Variants in ABHD12 observed in about 807,000 individuals in gnomAD.
ABHD12 encodes lysophosphatidylserine lipase ABHD12.
ABHD12 carries 43 observed loss-of-function variants against 58.3 expected under a neutral mutation model. The observed-to-expected ratio is 0.74, with a 90% CI of 0.58 to 0.95. ABHD12 has a LOEUF of 0.95. ABHD12 is among the 40% of genes least tolerant of loss of function. The pLI, the probability that ABHD12 is intolerant of heterozygous loss-of-function variation, is 0.00. For synonymous variants in ABHD12, 219 were observed against 211.2 expected, an observed-to-expected ratio of 1.04 and a Z score of -0.32; for missense variants, 539 against 537.2, an observed-to-expected ratio of 1.00 and a Z score of -0.03.
chr20:25,370,744 G>A (rs1231278840), intron 1 of ABHD12, among the ~76,000 whole-genome samples: 1 of 152,126 alleles, frequency 6.6e-6, no homozygotes, highest in African/African-American at 2.4e-5. Context: ...AGGCAGCTGT[G>A]AGCATTCCAT....
At chr20:25,313,979 C>CTT (rs570904708) in intron 6 of ABHD12, among the ~76,000 whole-genome samples, 2,220 of 147,702 alleles carry the variant, frequency 0.015, 50 homozygotes, top group African/African-American at 0.051. Context: ...CTTAACAGTT[C>CTT]TTTTTTTTTT....
intron 1 of ABHD12, among the ~76,000 whole-genome samples, chr20:25,388,563 G>A (rs1375116750): frequency 6.6e-6 from 1 of 152,184 alleles, no homozygotes. Context: ...AGCCAGCTGG[G>A]AAGGAAGACA....
At chr20:25,299,751 GGT>G (rs2088603644), downstream of ABHD12, among the ~76,000 whole-genome samples, 1 of 152,168 alleles carries the variant, frequency 6.6e-6, no homozygotes, top group Non-Finnish European at 1.5e-5. Context: ...TGGGGCAGGT[GGT>G]GTCTCTGGGG....
intron 2 of ABHD12, among the ~76,000 whole-genome samples, chr20:25,331,156 A>G (rs988653836): frequency 6.6e-6 from 1 of 152,258 alleles, no homozygotes. Context: ...CTCGAGAACT[A>G]CGTGAAGAAT....
downstream of ABHD12, chr20:25,297,091 CTCTGCACCTGGT>C (rs1281734630): frequency 6.3e-6 from 1 of 158,166 alleles, no homozygotes; most frequent in Non-Finnish European, 1.4e-5. Flanking sequence ...TCTGTCCTGG[CTCTGCACCTGGT>C]ATATGGGTCA....
intron 1 of ABHD12, among the ~76,000 whole-genome samples, chr20:25,383,715 G>A (rs905793753): frequency 2.6e-5 from 4 of 152,106 alleles, no homozygotes; most frequent in African/African-American, 9.7e-5. Context: ...CAGTACTTTG[G>A]GAGGCCAAGG....
In ABHD12 at chr20:25,390,514, T is replaced by A. The variant is rs1387607311; in HGVS notation, c.190A>T (p.Arg64Trp). ...ADAGMKRALG[R>W]RKGVWLRLRK... ...CCCCCGCTCCGCGCGAAGCCTCACCTGCCCAGCGCCCGCTTCATTCCCGCG... is the reference window on the plus strand; with the variant it reads ...CCCCCGCTCCGCGCGAAGCCTCACCAGCCCAGCGCCCGCTTCATTCCCGCG... Residue 64 changes from arginine to tryptophan, a missense_variant and splice_region_variant, in exon 1 of 13, where the codon AGG becomes TGG. Transcript: ENST00000339157. The A allele has an allele frequency of 9.0e-7, 1 of 1,115,762 alleles. No individual in the cohort carries two copies. The highest frequency in any genetic ancestry group is 1.2e-6 in the Non-Finnish European group (1 of 868,172). 69.1% of individuals were successfully genotyped at this position (1,115,762 alleles called of 1,614,324 possible).
chr20:25,364,441 G>A (rs1052617439), intron 1 of ABHD12, among the ~76,000 whole-genome samples: 17 of 152,206 alleles, frequency 1.1e-4, no homozygotes, highest in African/African-American at 3.9e-4. Context: ...GTGGTGGGCA[G>A]AGATCGCAGA....
At chr20:25,361,906 G>T (rs899403583) in intron 1 of ABHD12, among the ~76,000 whole-genome samples, 5 of 151,690 alleles carry the variant, frequency 3.3e-5, no homozygotes, top group African/African-American at 9.7e-5. Flanking sequence ...AGTGAGCCAA[G>T]ATCCCGCCAC....
chr20:25,381,756 A>G (rs1036350886), intron 1 of ABHD12, among the ~76,000 whole-genome samples: 5 of 151,892 alleles, frequency 3.3e-5, no homozygotes, highest in African/African-American at 1.2e-4. Context: ...CTCCTGCCTC[A>G]GCCTCCCAGG....
chr20:25,386,035 A>G, intron 1 of ABHD12, among the ~76,000 whole-genome samples: 1 of 151,866 alleles, frequency 6.6e-6, no homozygotes, highest in South Asian at 2.1e-4. Context: ...CGGGAGGCAA[A>G]GCTTGCAGTG....
At chr20:25,316,964 A>C (rs1232214113) in intron 5 of ABHD12, 84 bp downstream of exon 5, 1 of 1,252,874 alleles carries the variant, frequency 8.0e-7, no homozygotes, top group Admixed American at 1.7e-5. Flanking sequence ...GTTAACTCTC[A>C]AGCTGTGAGT....
At chr20:25,329,429 CTGTCCACCCCCCAGTTTTCAT>C (rs368443673) in intron 2 of ABHD12, among the ~76,000 whole-genome samples, 1,587 of 152,304 alleles carry the variant, frequency 0.01, 28 homozygotes, top group African/African-American at 0.036. Flanking sequence ...CCAGTTTTCA[CTGTCCACCCCCCAGTTTTCAT>C]TGTCCACCCT....
At chr20:25,312,420 A>G (rs1013450056) in intron 6 of ABHD12, among the ~76,000 whole-genome samples, 1 of 152,016 alleles carries the variant, frequency 6.6e-6, no homozygotes, top group Non-Finnish European at 1.5e-5. Context: ...ACCGCGAGTG[A>G]TCTGCCAGCA....
At chr20:25,374,918 G>A (rs1407169938) in intron 1 of ABHD12, among the ~76,000 whole-genome samples, 8 of 152,202 alleles carry the variant, frequency 5.3e-5, no homozygotes. Context: ...CTGCATGCCT[G>A]TGCTATGGGC....
exon 13 of ABHD12, chr20:25,294,936 G>A (rs1300006523): frequency 6.8e-6 from 11 of 1,611,646 alleles, no homozygotes; most frequent in Non-Finnish European, 8.5e-6. Context: ...AGTTTTGTCT[G>A]CTGCTCTTCG....
rs114226098 is a variant in ABHD12 at position 25,369,277 on chromosome 20, G to A, written c.191+21236C>T. Among the ~76,000 whole-genome samples the A allele has an allele frequency of 6.2e-3, 945 of 152,160 alleles. 8 individuals are homozygous for A. The highest frequency in any genetic ancestry group is 0.022 in the African/African-American group (909 of 41,520). ...TAGAGAAATGTCTCTTCGAGTTCTA[G>A]GCCCATTTTTGAATTGGTGTTTTGT... On this transcript the variant is annotated intron_variant, in intron 1 of 12. Coordinates refer to ENST00000339157, the MANE Select transcript of ABHD12 (RefSeq NM_001042472.3).
At chr20:25,321,894 T>C (rs891588074) in intron 3 of ABHD12, among the ~76,000 whole-genome samples, 2 of 152,142 alleles carry the variant, frequency 1.3e-5, no homozygotes, top group African/African-American at 4.8e-5. Context: ...AACAAAAATC[T>C]CCCTTCTTGT....
rs145380090 is a variant in ABHD12 at position 25,390,742 on chromosome 20, G to GGCCGCCGCC, written c.-40_-39insGGCGGCGGC. ...GGGCCAGCCGCCGACGGCGCCCGCT[G>GGCCGCCGCC]GCCTGCGCCGCAGTGCCGCCGCTCA... On this transcript the variant is annotated 5_prime_UTR_variant, in exon 1 of 13. Coordinates refer to ENST00000339157, the MANE Select transcript of ABHD12 (RefSeq NM_001042472.3). The GGCCGCCGCC allele has an allele frequency of 6.4e-6, 8 of 1,254,734 alleles. No homozygotes were observed. Among genetic ancestry groups the GGCCGCCGCC allele is most frequent in the Admixed American group, 4.2e-5 (1 of 23,778 alleles). The allele number at this position is 1,254,734 out of a possible 1,614,324, so 77.7% of individuals were successfully genotyped here. A position where few individuals can be genotyped will look rare whatever the true frequency, so the allele number is the denominator to read the frequency against.
Sources: allele counts gnomAD v4.1 joint callset (sites outside exome capture counted in the v4.1 genomes callset), GRCh38; gene constraint gnomAD v4.1.1; transcripts MANE v1.5; gene names NCBI Gene and HGNC (gene_info 2026-07-23, HGNC 2026-07-21).